Variants in DCAF10 observed in about 807,000 individuals in gnomAD.
DCAF10 encodes the protein DDB1 and CUL4 associated factor 10, also known as DDB1- and CUL4-associated factor 10.
Under a neutral mutation model 51.9 loss-of-function variants are expected in DCAF10, and 19 were observed. The observed-to-expected ratio is 0.37, with a 90% CI of 0.26 to 0.54. The LOEUF (loss-of-function observed/expected upper bound fraction) is 0.54, where lower values mean the gene tolerates loss of function less well. Among genes scored for constraint, DCAF10 ranks in the 20% least tolerant of loss-of-function variants. The pLI is 0.87. For synonymous variants in DCAF10, 291 were observed against 297.1 expected (o/e 0.98, Z 0.21); for missense variants, 510 against 730.6 (o/e 0.70, Z 3.48).
Position 37,800,904 on chromosome 9 carries a change from G to C in DCAF10, c.38G>C (p.Gly13Ala). The part of the protein sequence containing the change: ...PFGPHSPGGD[G>A]SAGAGAEEPT... ...GGGCCCCATAGCCCTGGAGGGGACG[G>C]ATCGGCCGGAGCCGGGGCTGAGGAG... The change falls in exon 1 of 7, where the codon GGA (glycine) becomes GCA (alanine). Residue 13 changes from glycine (G) to alanine (A), a missense_variant. Gly to Ala is a moderately conservative substitution (Grantham distance 60). This residue lies in a region of DCAF10 where 251 missense variants were observed against 227.9 expected (regional missense o/e 1.10). Transcript: ENST00000377724. 2 of 1,496,896 alleles carry C rather than the reference G, an allele frequency of 1.3e-6. No homozygotes were observed. Among genetic ancestry groups the C allele is most frequent in the Non-Finnish European group, 1.8e-6 (2 of 1,130,534 alleles). 92.7% of individuals were successfully genotyped at this position (1,496,896 alleles called of 1,614,324 possible).
chr9:37,806,265 G>C (rs1209331856), intron 1 of DCAF10, among the ~76,000 whole-genome samples: 3 of 152,172 alleles, frequency 2.0e-5, no homozygotes, highest in Admixed American at 1.3e-4. Context: ...CCTGTTAAGT[G>C]TCATCTTAAT....
intron 1 of DCAF10, among the ~76,000 whole-genome samples, chr9:37,804,349 A>G (rs1829046585): frequency 6.6e-6 from 1 of 152,056 alleles, no homozygotes; most frequent in Admixed American, 6.5e-5. Flanking sequence ...TGAAGACATA[A>G]TAGCTGAGAA....
Position 37,867,406 on chromosome 9 carries a change from T to G in DCAF10, c.*5898T>G, listed in dbSNP as rs1439702368. 1 of 152,126 alleles carries G rather than the reference T, an allele frequency of 6.6e-6. No homozygotes were observed. The highest frequency in any genetic ancestry group is 1.5e-5 in the Non-Finnish European group (1 of 68,036). The allele number at this position is 152,126 out of a possible 1,614,324, so 9.4% of individuals were successfully genotyped here. A position where few individuals can be genotyped will look rare whatever the true frequency, so the allele number is the denominator to read the frequency against. Reference sequence around the variant, plus strand: ...AAGGGTGAATATTTGAATTTTCTTTTAAATTTCACTGCATCTTCAATTGCC... The same window carrying G: ...AAGGGTGAATATTTGAATTTTCTTTGAAATTTCACTGCATCTTCAATTGCC... On this transcript the variant is annotated 3_prime_UTR_variant, in exon 7 of 7. Coordinates refer to ENST00000377724, the MANE Select transcript of DCAF10 (RefSeq NM_024345.5).
At chr9:37,841,913 C>T (rs551704653) in intron 2 of DCAF10, among the ~76,000 whole-genome samples, 176 bp from the exon 3 acceptor site, 1 of 152,240 alleles carries the variant, frequency 6.6e-6, no homozygotes, top group African/African-American at 2.4e-5. Flanking sequence ...TATCCTGGCT[C>T]TGTGATTATG....
At chr9:37,800,653 T>TC (rs1318475610), upstream of DCAF10, 3 of 1,535,932 alleles carry the variant, frequency 2.0e-6, no homozygotes, top group Admixed American at 2.0e-5. Context: ...CACAGGTAAC[T>TC]ACTCGCTCCC....
chr9:37,802,376 G>A (rs1828981166), intron 1 of DCAF10, among the ~76,000 whole-genome samples: 1 of 152,112 alleles, frequency 6.6e-6, no homozygotes. Flanking sequence ...AATCTGTTAT[G>A]GACACTGTGT....
intron 1 of DCAF10, among the ~76,000 whole-genome samples, chr9:37,803,160 T>C (rs1438922663): frequency 1.3e-5 from 2 of 152,204 alleles, no homozygotes; most frequent in Non-Finnish European, 2.9e-5. Flanking sequence ...AATTAACATA[T>C]ATGCTCATTG....
chr9:37,818,543 G>T (rs1256110678), intron 1 of DCAF10, among the ~76,000 whole-genome samples: 11 of 151,962 alleles, frequency 7.2e-5, no homozygotes. Flanking sequence ...GTTTGTAAAA[G>T]GTTTATAAAA....
chr9:37,830,125 G>A (rs1229547665), intron 2 of DCAF10, among the ~76,000 whole-genome samples: 1 of 152,114 alleles, frequency 6.6e-6, no homozygotes, highest in African/African-American at 2.4e-5. Flanking sequence ...CTATCAAGAG[G>A]AAATATTAAT....
Position 37,829,234 on chromosome 9 carries a change from G to A in DCAF10, c.653+9833G>A, listed in dbSNP as rs1829939962. On this transcript the variant is annotated intron_variant, in intron 2 of 6. Coordinates refer to ENST00000377724, the MANE Select transcript of DCAF10 (RefSeq NM_024345.5). This position sits in a 1 kb window ranked among gnomAD's most constrained non-coding sequence, Gnocchi z 4.2. The stretch of plus-strand genomic sequence containing the variant: ...TTGGGTGGATCACCTGAGGTAGGGA[G>A]TTCGAGACCAGCCTGACCAACATGG... 6.6e-6 allele frequency among the ~76,000 whole-genome samples: 1 copy of A among 152,142 alleles called. No homozygotes were observed. Among genetic ancestry groups the A allele is most frequent in the Non-Finnish European group, 1.5e-5 (1 of 68,018 alleles).
chr9:37,830,174 T>C (rs116111992), intron 2 of DCAF10, among the ~76,000 whole-genome samples: 121 of 152,296 alleles, frequency 7.9e-4, no homozygotes, highest in African/African-American at 2.6e-3. Context: ...AATGAAATAC[T>C]ATACATCAGT....
In DCAF10 at chr9:37,829,268, C is replaced by T. The variant is rs902441384; in HGVS notation, c.653+9867C>T. 3.9e-5 allele frequency among the ~76,000 whole-genome samples: 6 copies of T among 152,000 alleles called. No individual in the cohort carries two copies. The highest frequency in any genetic ancestry group is 3.9e-4 in the Admixed American group (6 of 15,252). On this transcript the variant is annotated intron_variant, in intron 2 of 6. Transcript: ENST00000377724. This position sits in a 1 kb window ranked among gnomAD's most constrained non-coding sequence, Gnocchi z 4.2. ...CAGCCTGACCAACATGGAGAAACCCCGTCTCTACTAAAAATACAAAAATTA... is the reference window on the plus strand; with the variant it reads ...CAGCCTGACCAACATGGAGAAACCCTGTCTCTACTAAAAATACAAAAATTA...
At chr9:37,808,680 A>T (rs59909107) in intron 1 of DCAF10, among the ~76,000 whole-genome samples, 1 of 103,434 alleles carries the variant, frequency 9.7e-6, no homozygotes, top group Non-Finnish European at 1.7e-5. Flanking sequence ...TATAATATAA[A>T]ATATAAATAT....
intron 1 of DCAF10, among the ~76,000 whole-genome samples, chr9:37,809,331 G>A (rs1829257322): frequency 6.7e-6 from 1 of 148,318 alleles, no homozygotes; most frequent in Non-Finnish European, 1.5e-5. Context: ...TCATGAAAGA[G>A]AATAGCAAAG....
rs1831156544 is a variant in DCAF10 at position 37,867,325 on chromosome 9, T to C, written c.*5817T>C. 1.3e-5 allele frequency: 2 copies of C among 152,118 alleles called. No homozygotes were observed. Among genetic ancestry groups the C allele is most frequent in the Non-Finnish European group, 2.9e-5 (2 of 68,020 alleles). 9.4% of individuals were successfully genotyped at this position (152,118 alleles called of 1,614,324 possible). A position where few individuals can be genotyped will look rare whatever the true frequency, so the allele number is the denominator to read the frequency against. On this transcript the variant is annotated 3_prime_UTR_variant, in exon 7 of 7. Transcript: ENST00000377724. ...TCTGGTCCAAAGTCTTTAAAATAGG[T>C]AGATTTTCAGCTTTCTTAAGTTTCT...
intron 2 of DCAF10, among the ~76,000 whole-genome samples, chr9:37,839,228 T>G (rs1391268227): frequency 2.0e-5 from 3 of 151,880 alleles, no homozygotes; most frequent in Non-Finnish European, 4.4e-5. Context: ...CCAGCTAATT[T>G]TTTTTGTATT....
intron 1 of DCAF10, among the ~76,000 whole-genome samples, chr9:37,816,795 T>C (rs1418824692): frequency 1.3e-5 from 2 of 152,168 alleles, no homozygotes; most frequent in African/African-American, 2.4e-5. Context: ...AAAATGTGCA[T>C]ATTACTGTAT....
chr9:37,853,969 CT>C (rs1447666378), intron 3 of DCAF10, among the ~76,000 whole-genome samples: 1 of 152,026 alleles, frequency 6.6e-6, no homozygotes, highest in Non-Finnish European at 1.5e-5. Flanking sequence ...TACATTTCTT[CT>C]GGATTTAATG....
rs1831142236 is a variant in DCAF10, at chr9:37,866,590, CG to C, written c.*5083del. On this transcript the variant is annotated 3_prime_UTR_variant, in exon 7 of 7. Transcript: ENST00000377724. Reference sequence around the variant, plus strand: ...TTATGAGCTTTGGACATGAGATAACCGTGCCTGTTCAGAGTGTCTACAGTAA... The same window carrying C: ...TTATGAGCTTTGGACATGAGATAACCTGCCTGTTCAGAGTGTCTACAGTAA... 6.6e-6 allele frequency: 1 copy of C among 152,358 alleles called. No homozygotes were observed. Among genetic ancestry groups the C allele is most frequent in the African/African-American group, 2.4e-5 (1 of 41,418 alleles). The allele number at this position is 152,358 out of a possible 1,614,324, so 9.4% of individuals were successfully genotyped here.
Sources: gnomAD v4.1 joint callset for allele counts (sites outside exome capture counted in the v4.1 genomes callset) on GRCh38, gnomAD v4.1.1 for gene constraint, gnomAD v4.1.1 regional missense constraint, Gnocchi (gnomAD v3.1) non-coding constraint, MANE v1.5 for transcripts, NCBI Gene and HGNC (gene_info 2026-07-23, HGNC 2026-07-21) for gene names.